Variants in RGPD3 observed in about 807,000 individuals in gnomAD.
The protein encoded by RGPD3 is RANBP2 like and GRIP domain containing 3, also known as ranBP2-like and GRIP domain-containing protein 3.
RGPD3 carries 62 observed loss-of-function variants against 154.5 expected under a neutral mutation model. The ratio of observed to expected loss-of-function variants is 0.40; its 90% CI spans 0.33 to 0.50. The LOEUF (loss-of-function observed/expected upper bound fraction) is 0.50, where lower values mean the gene tolerates loss of function less well. Ranked by LOEUF, RGPD3 falls within the 20% of genes least tolerant of loss-of-function variation. The pLI is 0.59. For missense variants in RGPD3, 919 were observed against 1,716.8 expected (o/e 0.54, Z 8.21); for synonymous variants, 308 against 607.0 (o/e 0.51, Z 7.24).
rs1228007152 is a variant in RGPD3 at position 106,405,047 on chromosome 2, T to C, written c.*172A>G. 2.8e-6 allele frequency: 2 copies of C among 723,330 alleles called. No homozygotes were observed. The highest frequency in any genetic ancestry group is 4.6e-6 in the Non-Finnish European group (2 of 434,788). The allele number at this position is 723,330 out of a possible 1,614,324, so 44.8% of individuals were successfully genotyped here. A position where few individuals can be genotyped will look rare whatever the true frequency, so the allele number is the denominator to read the frequency against. On this transcript the variant is annotated 3_prime_UTR_variant, in exon 23 of 23. Transcript: ENST00000409886. ...CATCTGTCATATAGATGTACAAATA[T>C]ATGTAAATGCAAACATATACACACT...
chr2:106,412,309 T>G (rs1301482657), intron 22 of RGPD3, among the ~76,000 whole-genome samples: 2 of 90,206 alleles, frequency 2.2e-5, no homozygotes, highest in African/African-American at 8.0e-5. Context: ...TTTTTTTTTT[T>G]TTTTTTTTTT....
At chr2:106,462,343 C>A (rs1678429504) in intron 1 of RGPD3, among the ~76,000 whole-genome samples, 1 of 150,752 alleles carries the variant, frequency 6.6e-6, no homozygotes, top group African/African-American at 2.4e-5. Context: ...TGATCTTTTG[C>A]CTCTAACCTG....
At chr2:106,417,985 C>T (rs1301998424) in intron 20 of RGPD3, among the ~76,000 whole-genome samples, 1 of 147,790 alleles carries the variant, frequency 6.8e-6, no homozygotes, top group African/African-American at 2.5e-5. Context: ...AAAAATTAGC[C>T]AGGCACAGTG....
intron 17 of RGPD3, among the ~76,000 whole-genome samples, chr2:106,430,174 C>T (rs1486332223): frequency 2.1e-4 from 31 of 150,460 alleles, no homozygotes; most frequent in Admixed American, 4.6e-4. Flanking sequence ...TGACCCACCA[C>T]GCCCGGACCT....
chr2:106,424,704 A>T lies in RGPD3; in HGVS notation c.3263T>A (p.Leu1088His), dbSNP rs1311402408. ...KERGLGNLKILKNEVNGKVRM... is the reference protein window; with the variant it reads ...KERGLGNLKIHKNEVNGKVRM... ...TACTTTGCCATTGACCTCGTTTTTG[A>T]GAATTTTTAAGTTCCCCAAGCCCCT... The change falls in exon 20 of 23, where the codon CTC becomes CAC. Residue 1088 changes from leucine to histidine, a missense_variant. Coordinates refer to ENST00000409886, the MANE Select transcript of RGPD3 (RefSeq NM_001144013.2). 6.2e-7 allele frequency: 1 copy of T among 1,611,884 alleles called. No individual in the cohort carries two copies. The highest frequency in any genetic ancestry group is 1.3e-5 in the African/African-American group (1 of 74,840).
Position 106,438,961 on chromosome 2 carries a change from A to G in RGPD3, c.1276+7T>C. 1 of 267,356 alleles carries G rather than the reference A, an allele frequency of 3.7e-6. No individual in the cohort carries two copies. The highest frequency in any genetic ancestry group is 2.3e-5 in the South Asian group (1 of 42,638). The allele number at this position is 267,356 out of a possible 1,614,324, so 16.6% of individuals were successfully genotyped here. On this transcript the variant is annotated splice_region_variant and intron_variant, in intron 9 of 22. Coordinates refer to ENST00000409886, the MANE Select transcript of RGPD3 (RefSeq NM_001144013.2). ...GGAGACCATTTCCTCTGAAACATAT[A>G]ACTTACCAACATCGTATCTAGCCAA...
At chr2:106,440,320 C>T (rs1279934581) in intron 8 of RGPD3, among the ~76,000 whole-genome samples, 6 of 143,236 alleles carry the variant, frequency 4.2e-5, no homozygotes, top group Admixed American at 7.0e-5. Flanking sequence ...AACCCTCCTT[C>T]GAGTTAATTC....
chr2:106,403,611 A>G lies in RGPD3; in HGVS notation c.*1608T>C, dbSNP rs1206195562. On this transcript the variant is annotated 3_prime_UTR_variant, in exon 23 of 23. Coordinates refer to ENST00000409886, the MANE Select transcript of RGPD3 (RefSeq NM_001144013.2). Reference sequence around the variant, plus strand: ...TCAAGTCAAAGAGAAAGTGAAATATATTTAAATATGATTAGTTACATCGTA... The same window carrying G: ...TCAAGTCAAAGAGAAAGTGAAATATGTTTAAATATGATTAGTTACATCGTA... Among the ~76,000 whole-genome samples, 1 of 152,298 alleles carries G rather than the reference A, an allele frequency of 6.6e-6. No individual in the cohort carries two copies. Among genetic ancestry groups the G allele is most frequent in the Non-Finnish European group, 1.5e-5 (1 of 68,056 alleles).
chr2:106,440,942 T>TC (rs552269432), intron 8 of RGPD3, among the ~76,000 whole-genome samples: 5,367 of 118,722 alleles, frequency 0.045, 169 homozygotes, highest in Middle Eastern at 0.098. Flanking sequence ...CATCTTTATA[T>TC]CCCCACAGCA....
intron 6 of RGPD3, among the ~76,000 whole-genome samples, chr2:106,450,961 C>T (rs1490486790): frequency 4.0e-4 from 60 of 148,396 alleles, no homozygotes; most frequent in Non-Finnish European, 7.3e-4. Context: ...TAGTGGTGTG[C>T]GCCTGTGGTC....
In RGPD3 at chr2:106,468,248, G is replaced by A. The variant is rs753903388; in HGVS notation, c.41C>T (p.Ser14Leu). The A allele has an allele frequency of 5.0e-6, 8 of 1,607,828 alleles. No individual in the cohort carries two copies. The East Asian group carries it at 8.9e-5, about 18-fold the overall frequency. The stretch of plus-strand genomic sequence containing the variant: ...AGGCGACGGGGCGGAGCCCTGCACC[G>A]AGGCGACGTACCGCTCCCCGTAGGC... ...SKAYGERYVA[S>L]VQGSAPSPRK... The change falls in exon 1 of 23, where the codon TCG becomes TTG. Residue 14 changes from serine to leucine, a missense_variant. Ser to Leu is a moderately radical substitution (Grantham distance 145, BLOSUM62 -2). Coordinates refer to ENST00000409886, the MANE Select transcript of RGPD3 (RefSeq NM_001144013.2).
intron 8 of RGPD3, among the ~76,000 whole-genome samples, chr2:106,440,626 A>T (rs1677711229): frequency 8.5e-6 from 1 of 117,642 alleles, no homozygotes; most frequent in African/African-American, 3.4e-5. Flanking sequence ...ACCAAAGCTT[A>T]TAATAACTTT....
chr2:106,438,234 C>T (rs1229898028), intron 9 of RGPD3, among the ~76,000 whole-genome samples: 23 of 152,028 alleles, frequency 1.5e-4, no homozygotes, highest in Admixed American at 1.5e-3. Flanking sequence ...GGCTTAATCC[C>T]AACACTTTGG....
intron 22 of RGPD3, chr2:106,412,861 G>A: frequency 3.3e-6 from 2 of 607,648 alleles, no homozygotes; most frequent in Non-Finnish European, 5.8e-6. Context: ...ATCAAGCTAA[G>A]CACTTATTGT....
chr2:106,446,139 A>T (rs1434810233), intron 7 of RGPD3, among the ~76,000 whole-genome samples: 1 of 116,968 alleles, frequency 8.5e-6, no homozygotes, highest in East Asian at 2.9e-4. Flanking sequence ...AAAGTAATGA[A>T]TCCTTTTTTT....
chr2:106,407,612 T>C (rs888227943), intron 22 of RGPD3, among the ~76,000 whole-genome samples: 2 of 152,130 alleles, frequency 1.3e-5, no homozygotes, highest in Non-Finnish European at 2.9e-5. Flanking sequence ...AAGCTGAATA[T>C]AAGATTTTTG....
intron 1 of RGPD3, among the ~76,000 whole-genome samples, chr2:106,467,071 C>T (rs1317602524): frequency 1.7e-5 from 2 of 119,652 alleles, no homozygotes; most frequent in South Asian, 3.4e-4. Context: ...GGAGCCATGA[C>T]GCCTGAGCCA....
rs561029849 is a variant in RGPD3 at position 106,437,507 on chromosome 2, G to A, written c.1277-653C>T. Among the ~76,000 whole-genome samples the A allele has an allele frequency of 9.2e-5, 14 of 152,090 alleles. 1 individual carries two copies. The highest frequency in any genetic ancestry group is 8.5e-4 in the Admixed American group (13 of 15,266). On this transcript the variant is annotated intron_variant, in intron 9 of 22. Transcript: ENST00000409886. ...AGCCTGGGTGACAGAGCGAGACTCT[G>A]TCTCAAAAAAAAGAAAAGAAAAGAA...
At chr2:106,467,511 CG>C (rs1678661054) in intron 1 of RGPD3, among the ~76,000 whole-genome samples, 1 of 57,502 alleles carries the variant, frequency 1.7e-5, no homozygotes, top group African/African-American at 7.6e-5. Flanking sequence ...CCTGAGCCAT[CG>C]AGGCCGCCGC....
Sources: allele counts gnomAD v4.1 joint callset (sites outside exome capture counted in the v4.1 genomes callset), GRCh38; gene constraint gnomAD v4.1.1; transcripts MANE v1.5; gene names NCBI Gene and HGNC (gene_info 2026-07-23, HGNC 2026-07-21).